Variants in TPST1 observed in about 807,000 individuals in gnomAD.
TPST1 encodes the protein tyrosylprotein sulfotransferase 1.
A neutral mutation model predicts 34.8 loss-of-function variants in TPST1; 20 were observed. That is an observed-to-expected ratio of 0.57 (90% CI 0.40 to 0.84). The LOEUF is 0.84. Ranked by LOEUF, TPST1 falls within the 40% of genes least tolerant of loss-of-function variation. The probability of loss-of-function intolerance (pLI) is 0.00; values close to 1 mark genes in which losing one functional copy is unlikely to be tolerated. For synonymous variants in TPST1, 152 were observed against 159.4 expected, an observed-to-expected ratio of 0.95 and a Z score of 0.35; for missense variants, 353 against 455.5, an observed-to-expected ratio of 0.78 and a Z score of 2.05.
chr7:66,242,980 T>C (rs1790068069), intron 2 of TPST1, among the ~76,000 whole-genome samples: 1 of 152,200 alleles, frequency 6.6e-6, no homozygotes, highest in Non-Finnish European at 1.5e-5. Flanking sequence ...CAATCATGAG[T>C]AGAACCTACC....
At chr7:66,272,722 G>A (rs1042149524) in intron 2 of TPST1, among the ~76,000 whole-genome samples, 7 of 152,084 alleles carry the variant, frequency 4.6e-5, no homozygotes, top group African/African-American at 1.4e-4. Flanking sequence ...AAGTAGCTGG[G>A]ACTACAGGCA....
At chr7:66,324,659 C>G (rs62468679) in intron 3 of TPST1, among the ~76,000 whole-genome samples, 5,507 of 151,656 alleles carry the variant, frequency 0.036, 155 homozygotes, top group East Asian at 0.078. Flanking sequence ...ATTAGCCAAA[C>G]CTGGTGGTGG....
chr7:66,309,716 A>G (rs1257888903), intron 3 of TPST1, among the ~76,000 whole-genome samples: 3 of 152,324 alleles, frequency 2.0e-5, no homozygotes, highest in African/African-American at 7.2e-5. Context: ...AGTAAAGACT[A>G]TTCCTTTAAA....
At chr7:66,355,480 A>C (rs1480320558) in intron 4 of TPST1, among the ~76,000 whole-genome samples, 1 of 151,942 alleles carries the variant, frequency 6.6e-6, no homozygotes, top group Non-Finnish European at 1.5e-5. Context: ...CTCTCAAAAA[A>C]AAAAACAAAA....
intron 2 of TPST1, among the ~76,000 whole-genome samples, chr7:66,258,532 G>T (rs967212581): frequency 6.6e-6 from 1 of 152,190 alleles, no homozygotes; most frequent in African/African-American, 2.4e-5. Flanking sequence ...GCTAGAAGTT[G>T]TGCTGGTTCA....
At chr7:66,328,886 C>CTCTCTCTCTCTCTA (rs757168858) in intron 3 of TPST1, among the ~76,000 whole-genome samples, 4 of 22,096 alleles carry the variant, frequency 1.8e-4, no homozygotes, top group Non-Finnish European at 2.9e-4. Flanking sequence ...CTCTCTCTCT[C>CTCTCTCTCTCTCTA]TATATATATA....
At chr7:66,326,225 A>T (rs913268193) in intron 3 of TPST1, among the ~76,000 whole-genome samples, 1 of 152,192 alleles carries the variant, frequency 6.6e-6, no homozygotes, top group Non-Finnish European at 1.5e-5. Flanking sequence ...GAATATAAAG[A>T]TGATTAAGAC....
chr7:66,206,940 C>A (rs949710978), intron 1 of TPST1, among the ~76,000 whole-genome samples: 10 of 152,178 alleles, frequency 6.6e-5, no homozygotes, highest in Admixed American at 1.3e-4. Context: ...CTCCCTCCCC[C>A]TCTCCAAACA....
At chr7:66,201,076 G>T (rs959369036), upstream of TPST1, among the ~76,000 whole-genome samples, 2 of 152,110 alleles carry the variant, frequency 1.3e-5, no homozygotes, top group African/African-American at 4.8e-5. Context: ...ACCTGGAAAG[G>T]TAAAGCCCGG....
chr7:66,351,840 T>G (rs139574220), intron 3 of TPST1, among the ~76,000 whole-genome samples: 160 of 152,304 alleles, frequency 1.1e-3, no homozygotes, highest in African/African-American at 3.5e-3. Context: ...GTTTTATATA[T>G]CTTTTATTGA....
In TPST1 at chr7:66,347,059, C is replaced by CTTTTTTTTTTTTTTTTTT. The variant is rs71051352; in HGVS notation, c.1045-5437_1045-5420dup. Among the ~76,000 whole-genome samples, 5 of 59,972 alleles carry CTTTTTTTTTTTTTTTTTT rather than the reference C, an allele frequency of 8.3e-5. 1 individual carries two copies. The highest frequency in any genetic ancestry group is 2.0e-4 in the African/African-American group (3 of 15,080). 39.3% of individuals were successfully genotyped at this position (59,972 alleles called of 152,430 possible). On this transcript the variant is annotated intron_variant, in intron 3 of 5. Coordinates refer to ENST00000304842, the MANE Select transcript of TPST1 (RefSeq NM_003596.4). The stretch of plus-strand genomic sequence containing the variant: ...TTTCTTCTTTTTTTCCTTTGCTTTT[C>CTTTTTTTTTTTTTTTTTT]TTTTTTTTTTTTTTTTTTTTTTTTT...
At chr7:66,345,370 G>T (rs1352264608) in intron 3 of TPST1, among the ~76,000 whole-genome samples, 2 of 150,926 alleles carry the variant, frequency 1.3e-5, no homozygotes, top group Non-Finnish European at 2.9e-5. Context: ...GCAGGTGCCT[G>T]TAATCCCAGC....
At position 66,278,726 on chromosome 7, in the gene TPST1, G is replaced by T. The variant is rs539257640; in HGVS notation, c.846-7785G>T. On this transcript the variant is annotated intron_variant, in intron 2 of 5. Coordinates refer to ENST00000304842, the MANE Select transcript of TPST1 (RefSeq NM_003596.4). ...TGAACCTGGGAGGCGGAGCTTGCAG[G>T]GAGCCGAGATCGCACCACTGCACTC... Among the ~76,000 whole-genome samples the T allele has an allele frequency of 1.4e-4, 21 of 151,720 alleles. No individual in the cohort carries two copies. The South Asian group carries it at 4.4e-3, about 32-fold the overall frequency.
At chr7:66,243,236 G>A (rs1310046906) in intron 2 of TPST1, among the ~76,000 whole-genome samples, 1 of 151,978 alleles carries the variant, frequency 6.6e-6, no homozygotes, top group Non-Finnish European at 1.5e-5. Context: ...TATCATTCAT[G>A]TATGGCTGTA....
rs189580485 is a variant in TPST1, at chr7:66,230,398, G to A, written c.-101-9927G>A. Among the ~76,000 whole-genome samples, 912 of 152,320 alleles carry A rather than the reference G, an allele frequency of 6.0e-3. 31 individuals carry two copies. Among genetic ancestry groups the A allele is most frequent in the Admixed American group, 0.055 (848 of 15,302 alleles). On this transcript the variant is annotated intron_variant, in intron 1 of 5. Transcript: ENST00000304842. ...CAAGAATGAAGCCGCGGACCCTCGCGGTGAGCGTTAAGCTCTTAAGGTGGT... is the reference window on the plus strand; with the variant it reads ...CAAGAATGAAGCCGCGGACCCTCGCAGTGAGCGTTAAGCTCTTAAGGTGGT...
chr7:66,314,019 C>G (rs916958375), intron 3 of TPST1, among the ~76,000 whole-genome samples: 1 of 152,022 alleles, frequency 6.6e-6, no homozygotes, highest in Non-Finnish European at 1.5e-5. Flanking sequence ...TTACAGTGTT[C>G]CTCATTCTGG....
chr7:66,277,141 A>G (rs186681127), intron 2 of TPST1, among the ~76,000 whole-genome samples: 249 of 152,220 alleles, frequency 1.6e-3, no homozygotes, highest in African/African-American at 5.7e-3. Context: ...TTCTCCTCCC[A>G]GAAGTTTCTA....
chr7:66,247,113 T>C (rs1240144673), intron 2 of TPST1, among the ~76,000 whole-genome samples: 1 of 152,192 alleles, frequency 6.6e-6, no homozygotes, highest in Non-Finnish European at 1.5e-5. Flanking sequence ...CACTGCTTCT[T>C]CATTGGTGAA....
rs149530347 is a variant in TPST1 at position 66,320,684 on chromosome 7, C to T, written c.1045-31821C>T. ...AGTGATCTCGTCTCACCACAACCTC[C>T]GCCTCCCAGGTTCAAGCGATTCTCC... On this transcript the variant is annotated intron_variant, in intron 3 of 5. Coordinates refer to ENST00000304842, the MANE Select transcript of TPST1 (RefSeq NM_003596.4). Among the ~76,000 whole-genome samples, 48 of 151,980 alleles carry T rather than the reference C, an allele frequency of 3.2e-4. No homozygotes were observed. The East Asian group carries it at 7.2e-3, about 23-fold the overall frequency.
Sources: allele counts gnomAD v4.1 joint callset (sites outside exome capture counted in the v4.1 genomes callset), GRCh38; gene constraint gnomAD v4.1.1; transcripts MANE v1.5; gene names NCBI Gene and HGNC (gene_info 2026-07-23, HGNC 2026-07-21).